PVALB: variants seen among roughly 807,000 people sequenced by gnomAD.
The protein encoded by PVALB is parvalbumin alpha.
PVALB carries 11 observed loss-of-function variants against 10.9 expected under a neutral mutation model. The observed-to-expected ratio is 1.01, with a 90% confidence interval of 0.63 to 1.67. PVALB has a LOEUF of 1.67. Ranked by LOEUF, PVALB falls within the 40% of genes most tolerant of loss-of-function variation. PVALB has a pLI of 0.00. For synonymous variants in PVALB, 57 were observed against 50.7 expected, an observed-to-expected ratio of 1.12 and a Z score of -0.53; for missense variants, 131 against 136.2, an observed-to-expected ratio of 0.96 and a Z score of 0.19.
chr22:36,808,151 C>T (rs1180154607), intron 3 of PVALB, among the ~76,000 whole-genome samples: 1 of 152,220 alleles, frequency 6.6e-6, no homozygotes, highest in African/African-American at 2.4e-5. Context: ...TTGAAGAGGG[C>T]CCTGAGGCTT....
At chr22:36,804,308 C>T (rs530390472) in intron 3 of PVALB, among the ~76,000 whole-genome samples, 4 of 152,208 alleles carry the variant, frequency 2.6e-5, no homozygotes, top group Admixed American at 6.5e-5. Flanking sequence ...GAAAGTCAGA[C>T]ATTTTGGAGC....
intron 3 of PVALB, among the ~76,000 whole-genome samples, chr22:36,809,032 C>G (rs140522680): frequency 1.3e-5 from 2 of 152,272 alleles, no homozygotes; most frequent in Non-Finnish European, 2.9e-5. Context: ...CTTCCTACCC[C>G]CTCCCTTCAA....
chr22:36,807,436 C>T (rs975175270), intron 3 of PVALB, among the ~76,000 whole-genome samples: 8 of 152,300 alleles, frequency 5.3e-5, no homozygotes, highest in Middle Eastern at 3.4e-3. Context: ...CCATAGAGGC[C>T]GGAGGGCTAG....
chr22:36,805,479 T>C (rs1006706619), intron 3 of PVALB, among the ~76,000 whole-genome samples: 1 of 152,190 alleles, frequency 6.6e-6, no homozygotes, highest in Non-Finnish European at 1.5e-5. Flanking sequence ...TAACTGGTAT[T>C]TGTTAGCATC....
intron 3 of PVALB, among the ~76,000 whole-genome samples, chr22:36,808,377 T>TG (rs144522282): frequency 0.037 from 5,661 of 152,182 alleles, 354 homozygotes; most frequent in African/African-American, 0.13. Context: ...AGGCCCAGGC[T>TG]GGGGACACAT....
At chr22:36,814,198 TGAGGGGAGGA>T (rs1272183850) in intron 2 of PVALB, among the ~76,000 whole-genome samples, 1 of 150,636 alleles carries the variant, frequency 6.6e-6, no homozygotes, top group Non-Finnish European at 1.5e-5. Flanking sequence ...CCACCTGCGG[TGAGGGGAGGA>T]GAGGGGAGGC....
chr22:36,809,373 C>T (rs1049848984), intron 3 of PVALB, among the ~76,000 whole-genome samples: 5 of 152,160 alleles, frequency 3.3e-5, no homozygotes, highest in Non-Finnish European at 7.3e-5. Context: ...CTCAGTGGAC[C>T]TGACATCTTA....
rs1601525491 is a variant in PVALB, at chr22:36,816,845, G to T, written c.61+100C>A. 3 of 1,065,130 alleles carry T rather than the reference G, an allele frequency of 2.8e-6. No homozygotes were observed. The East Asian group carries it at 9.0e-5, about 32-fold the overall frequency. 66.0% of individuals were successfully genotyped at this position (1,065,130 alleles called of 1,614,324 possible). A position where few individuals can be genotyped will look rare whatever the true frequency, so the allele number is the denominator to read the frequency against. ...CGCCCAGCGGGAAGTGTGGGCAGAAGCGCGCTGGGGAGGATCCGCCGGCTG... is the reference window on the plus strand; with the variant it reads ...CGCCCAGCGGGAAGTGTGGGCAGAATCGCGCTGGGGAGGATCCGCCGGCTG... On this transcript the variant is annotated intron_variant, in intron 1 of 3. Coordinates refer to ENST00000417718, the MANE Select transcript of PVALB (RefSeq NM_001315532.2).
intron 3 of PVALB, among the ~76,000 whole-genome samples, chr22:36,809,430 TATA>T (rs60249882): frequency 0.14 from 21,858 of 152,152 alleles, 1,649 homozygotes; most frequent in South Asian, 0.17. Flanking sequence ...ATAATCATCT[TATA>T]GTAAATTAAA....
rs929102753 is a variant in PVALB at position 36,805,936 on chromosome 22, C to T, written c.305-5018G>A. 2.0e-5 allele frequency among the ~76,000 whole-genome samples: 3 copies of T among 152,152 alleles called. No homozygotes were observed. In the East Asian group the frequency reaches 5.8e-4, roughly 29 times the overall value. On this transcript the variant is annotated intron_variant, in intron 3 of 3. Transcript: ENST00000417718. ...GTACAAGTTTCCGACCCATCTATCC[C>T]ATCAGAGCTAGCATCCCACCTCCGG... is the stretch of plus-strand genomic sequence containing the variant.
chr22:36,809,339 G>A (rs1766187733), intron 3 of PVALB, among the ~76,000 whole-genome samples: 1 of 152,082 alleles, frequency 6.6e-6, no homozygotes, highest in African/African-American at 2.4e-5. Flanking sequence ...GCTGGGATTA[G>A]AACTGAAAAA....
chr22:36,810,929 A>T (rs1281422817), intron 3 of PVALB, among the ~76,000 whole-genome samples: 2 of 152,224 alleles, frequency 1.3e-5, no homozygotes, highest in African/African-American at 4.8e-5. Flanking sequence ...GGCTGGCACT[A>T]TCGCTTGTTT....
At chr22:36,817,679 G>A (rs1166173867), upstream of PVALB, among the ~76,000 whole-genome samples, 1 of 152,202 alleles carries the variant, frequency 6.6e-6, no homozygotes, top group Non-Finnish European at 1.5e-5. Flanking sequence ...TCTGGCCAGG[G>A]ATGCATATTC....
At chr22:36,809,528 T>C (rs970447590) in intron 3 of PVALB, among the ~76,000 whole-genome samples, 2 of 152,242 alleles carry the variant, frequency 1.3e-5, no homozygotes, top group African/African-American at 4.8e-5. Flanking sequence ...CAGACTTTGA[T>C]CTTTTCTCTT....
intron 3 of PVALB, among the ~76,000 whole-genome samples, chr22:36,807,145 T>C (rs1381274075): frequency 6.6e-6 from 1 of 152,218 alleles, no homozygotes; most frequent in Non-Finnish European, 1.5e-5. Flanking sequence ...AGAAGCCATT[T>C]ATAACTAAAA....
Position 36,813,885 on chromosome 22 carries a change from C to T in PVALB, c.195-130G>A, listed in dbSNP as rs573569257. On this transcript the variant is annotated intron_variant, in intron 2 of 3. Coordinates refer to ENST00000417718, the MANE Select transcript of PVALB (RefSeq NM_001315532.2). ...TGGGACAGGCAGCGAGCAGCAGTCACGCACACGGATGCTCTGGGCCAGGTA... is the reference window on the plus strand; with the variant it reads ...TGGGACAGGCAGCGAGCAGCAGTCATGCACACGGATGCTCTGGGCCAGGTA... The T allele has an allele frequency of 3.3e-4, 244 of 732,366 alleles. No homozygotes were observed. The African/African-American group carries it at 3.4e-3, about 10-fold the overall frequency. 45.4% of individuals were successfully genotyped at this position (732,366 alleles called of 1,614,324 possible).
At chr22:36,814,984 T>C in intron 2 of PVALB, 119 bp downstream of exon 2, 1 of 1,358,012 alleles carries the variant, frequency 7.4e-7, no homozygotes, top group Non-Finnish European at 1.0e-6. Context: ...GCACGGTTAC[T>C]TTCTGTGAAG....
At chr22:36,814,270 T>A (rs1939096626) in intron 2 of PVALB, among the ~76,000 whole-genome samples, 1 of 866 alleles carries the variant, frequency 1.2e-3, no homozygotes, top group South Asian at 0.013. Context: ...CCTCTGTGAG[T>A]GTGTGTGTGT....
chr22:36,801,138 T>C (rs1938857343), intron 3 of PVALB, among the ~76,000 whole-genome samples: 1 of 152,172 alleles, frequency 6.6e-6, no homozygotes, highest in African/African-American at 2.4e-5. Flanking sequence ...ATCTTTTGGT[T>C]CATCATGCCA....
Sources: allele counts gnomAD v4.1 joint callset (sites outside exome capture counted in the v4.1 genomes callset), GRCh38; gene constraint gnomAD v4.1.1; transcripts MANE v1.5; gene names NCBI Gene and HGNC (gene_info 2026-07-23, HGNC 2026-07-21).